Variants in GPR107 observed in about 807,000 individuals in gnomAD.
The protein encoded by GPR107 is protein GPR107.
A neutral mutation model predicts 75.5 loss-of-function variants in GPR107; 31 were observed. That is an observed-to-expected ratio of 0.41 (90% CI 0.31 to 0.55). The LOEUF (loss-of-function observed/expected upper bound fraction) is 0.55. Ranked by LOEUF, GPR107 falls within the 20% of genes least tolerant of loss-of-function variation. The pLI is 0.26. For missense variants in GPR107, 572 were observed against 665.7 expected (o/e 0.86, Z 1.55); for synonymous variants, 267 against 251.3 (o/e 1.06, Z -0.59).
At chr9:130,104,047 G>C (rs1013628447) in intron 12 of GPR107, among the ~76,000 whole-genome samples, 1 of 152,128 alleles carries the variant, frequency 6.6e-6, no homozygotes, top group African/African-American at 2.4e-5. Context: ...GCTCCTGGGG[G>C]GGCCTTTCCA....
At chr9:130,054,158 C>T (rs542053685) in intron 1 of GPR107, 85 bp downstream of exon 1, 3 of 1,256,740 alleles carry the variant, frequency 2.4e-6, no homozygotes, top group Non-Finnish European at 2.2e-6. Context: ...TTGGGGACCT[C>T]TGAGCCACTG....
rs137994311 is a variant in GPR107, at chr9:130,068,940, A to G, written c.142-6696A>G. Among the ~76,000 whole-genome samples the G allele has an allele frequency of 1.8e-4, 28 of 152,134 alleles. No individual in the cohort carries two copies. The East Asian group carries it at 5.2e-3, about 28-fold the overall frequency. On this transcript the variant is annotated intron_variant, in intron 1 of 17. Coordinates refer to ENST00000347136, the MANE Select transcript of GPR107 (RefSeq NM_020960.5). ...TTTTTGGCAGAGATGGGGTTTCACC[A>G]TGTTGCCCAGGCTGGTCTCAAACTC...
chr9:130,119,531 G>A (rs1464486420), intron 14 of GPR107, among the ~76,000 whole-genome samples: 1 of 152,218 alleles, frequency 6.6e-6, no homozygotes. Context: ...CCGAGGCTCA[G>A]AGAGGGTTAG....
chr9:130,058,861 A>G (rs1829859577), intron 1 of GPR107, among the ~76,000 whole-genome samples: 1 of 151,880 alleles, frequency 6.6e-6, no homozygotes, highest in African/African-American at 2.4e-5. Context: ...TTACTGTTGA[A>G]TGGTCTTCCA....
rs11461385 is a variant in GPR107 at position 130,125,090 on chromosome 9, CTTTTTTTTTTTT to C, written c.1356+138_1356+149del. The C allele has an allele frequency of 3.7e-4, 59 of 158,186 alleles. 2 individuals carry two copies. The Middle Eastern group carries it at 0.012, about 32-fold the overall frequency. The allele number at this position is 158,186 out of a possible 1,614,324, so 9.8% of individuals were successfully genotyped here. A position where few individuals can be genotyped will look rare whatever the true frequency, so the allele number is the denominator to read the frequency against. On this transcript the variant is annotated intron_variant, in intron 15 of 17. Coordinates refer to ENST00000347136, the MANE Select transcript of GPR107 (RefSeq NM_020960.5). Reference sequence around the variant, plus strand: ...ACCTGGAGCTGAGCAGTGTGGCTTGCTTTTTTTTTTTTTTTTTTTTTTTCTGGAGACGACGTC... The same window carrying C: ...ACCTGGAGCTGAGCAGTGTGGCTTGCTTTTTTTTTTTCTGGAGACGACGTC...
chr9:130,075,577 G>C (rs569162175), intron 1 of GPR107, 59 bp from the exon 2 acceptor site: 3 of 910,868 alleles, frequency 3.3e-6, no homozygotes, highest in Admixed American at 1.8e-5. Context: ...AAATGAATAG[G>C]TTAAATAATC....
intron 17 of GPR107, among the ~76,000 whole-genome samples, chr9:130,131,039 T>C (rs1331355869): frequency 2.6e-5 from 4 of 152,198 alleles, no homozygotes; most frequent in Admixed American, 2.6e-4. Flanking sequence ...TGTTTAGATG[T>C]CAAGGAAAGA....
chr9:130,131,815 C>T (rs937576452), intron 17 of GPR107, among the ~76,000 whole-genome samples: 10 of 152,170 alleles, frequency 6.6e-5, no homozygotes, highest in Non-Finnish European at 1.0e-4. Context: ...CACCCCGCCT[C>T]TTGCTCTCGT....
chr9:130,070,013 A>ATTTTTTTTTTTTT (rs1830166620), intron 1 of GPR107, among the ~76,000 whole-genome samples: 4 of 16,284 alleles, frequency 2.5e-4, no homozygotes, highest in African/African-American at 8.1e-4. Context: ...TTTTTTTTTA[A>ATTTTTTTTTTTTT]ATTTTTTTGA....
chr9:130,070,821 G>T (rs955828375), intron 1 of GPR107, among the ~76,000 whole-genome samples: 23 of 150,762 alleles, frequency 1.5e-4, no homozygotes, highest in Admixed American at 1.4e-3. Flanking sequence ...GGGCTCAGGG[G>T]ATCCTCCATC....
intron 14 of GPR107, among the ~76,000 whole-genome samples, chr9:130,116,334 T>C (rs746830110): frequency 1.3e-5 from 2 of 152,206 alleles, no homozygotes; most frequent in Non-Finnish European, 2.9e-5. Flanking sequence ...TCTTGAGACA[T>C]TGTTGAGAAC....
intron 1 of GPR107, among the ~76,000 whole-genome samples, chr9:130,075,037 C>T (rs535757006): frequency 7.2e-5 from 11 of 151,854 alleles, no homozygotes; most frequent in African/African-American, 2.7e-4. Context: ...CCCTAGAACC[C>T]ATACCAATGC....
At chr9:130,066,334 A>G (rs1437562286) in intron 1 of GPR107, among the ~76,000 whole-genome samples, 1 of 152,054 alleles carries the variant, frequency 6.6e-6, no homozygotes, top group African/African-American at 2.4e-5. Flanking sequence ...TTTAAAAAGA[A>G]TAAAAGAGGA....
intron 14 of GPR107, among the ~76,000 whole-genome samples, chr9:130,124,487 C>A (rs939667365): frequency 1.3e-5 from 2 of 152,198 alleles, no homozygotes; most frequent in South Asian, 2.1e-4. Context: ...GGAGACCCCC[C>A]CAGGTGGTTC....
intron 8 of GPR107, among the ~76,000 whole-genome samples, chr9:130,091,526 C>CT (rs375016486): frequency 0.027 from 3,322 of 123,170 alleles, 76 homozygotes; most frequent in African/African-American, 0.039. Context: ...CTGGTACTCA[C>CT]TTTTTTTTTT....
intron 16 of GPR107, among the ~76,000 whole-genome samples, chr9:130,127,980 G>T (rs1329745509): frequency 6.6e-6 from 1 of 152,194 alleles, no homozygotes; most frequent in Non-Finnish European, 1.5e-5. Flanking sequence ...TGGGATTACA[G>T]GTGTGAGCCA....
At chr9:130,063,413 A>G (rs1303760520) in intron 1 of GPR107, among the ~76,000 whole-genome samples, 2 of 152,180 alleles carry the variant, frequency 1.3e-5, no homozygotes, top group Non-Finnish European at 2.9e-5. Context: ...GATGGTCTCA[A>G]TCTCCTGACC....
rs528392415 is a variant in GPR107, at chr9:130,106,380, C to T, written c.1263-1116C>T. On this transcript the variant is annotated intron_variant, in intron 13 of 17. Coordinates refer to ENST00000347136, the MANE Select transcript of GPR107 (RefSeq NM_020960.5). ...TTGGGAGGCTGAGGTGGGCGGATCA[C>T]GAGGTCAAGAGATCGAGACCATCCT... Among the ~76,000 whole-genome samples, 44 of 152,042 alleles carry T rather than the reference C, an allele frequency of 2.9e-4. No homozygotes were observed. The South Asian group carries it at 6.4e-3, about 22-fold the overall frequency.
At chr9:130,087,805 C>CAAAAAAAAAAAAAAAAAAAAAA (rs35984705) in intron 7 of GPR107, among the ~76,000 whole-genome samples, 5 of 87,624 alleles carry the variant, frequency 5.7e-5, no homozygotes, top group Admixed American at 1.4e-4. Context: ...GACCCTGTCT[C>CAAAAAAAAAAAAAAAAAAAAAA]AAAAAAAAAA....
Sources: allele counts gnomAD v4.1 joint callset (sites outside exome capture counted in the v4.1 genomes callset), GRCh38; gene constraint gnomAD v4.1.1; transcripts MANE v1.5; gene names NCBI Gene and HGNC (gene_info 2026-07-23, HGNC 2026-07-21).